Variants in MSMO1 observed in about 807,000 individuals in gnomAD.
MSMO1 encodes the protein methylsterol monooxygenase 1, also known as C-4 methylsterol oxidase.
A neutral mutation model predicts 30.4 loss-of-function variants in MSMO1; 18 were observed. The ratio of observed to expected loss-of-function variants is 0.59; its 90% CI spans 0.41 to 0.88. MSMO1 has a LOEUF of 0.88. MSMO1 is among the 40% of genes least tolerant of loss of function. The pLI is 0.00. For synonymous variants in MSMO1, 84 were observed against 107.9 expected (o/e 0.78, Z 1.37); for missense variants, 284 against 340.5 (o/e 0.83, Z 1.31).
chr4:165,336,255 A>G (rs930673581), intron 2 of MSMO1, among the ~76,000 whole-genome samples: 2 of 151,778 alleles, frequency 1.3e-5, no homozygotes, highest in African/African-American at 4.8e-5. Context: ...AAAAACATAC[A>G]TCTTAGTAAT....
intron 2 of MSMO1, among the ~76,000 whole-genome samples, chr4:165,334,476 A>G (rs1000513308): frequency 5.3e-5 from 8 of 152,252 alleles, no homozygotes; most frequent in Non-Finnish European, 1.0e-4. Flanking sequence ...CTGTTAATAC[A>G]CTACGACCTT....
intron 3 of MSMO1, 127 bp from the exon 4 acceptor site, chr4:165,338,525 C>T: frequency 1.3e-6 from 1 of 747,180 alleles, no homozygotes; most frequent in Non-Finnish European, 2.3e-6. Context: ...TGAATATATC[C>T]AATTAGGTCA....
chr4:165,332,699 A>G (rs1747433303), intron 1 of MSMO1, among the ~76,000 whole-genome samples: 1 of 152,098 alleles, frequency 6.6e-6, no homozygotes, highest in African/African-American at 2.4e-5. Flanking sequence ...TTTAGGGTGC[A>G]TTTCCTCATT....
chr4:165,341,774 C>G lies in MSMO1; in HGVS notation c.710C>G (p.Pro237Arg). ...VHSGYDIPLN[P>R]LNLIPFYAGS... ...AGTGGTTATGATATTCCTCTCAACC[C>G]TTTAAATCTGATCCCTTTCTATGCT... The change falls in exon 6 of 6, where the codon CCT becomes CGT. Residue 237 changes from proline (P) to arginine (R), a missense_variant. Coordinates refer to ENST00000261507, the MANE Select transcript of MSMO1 (RefSeq NM_006745.5). 1.2e-6 allele frequency: 2 copies of G among 1,612,732 alleles called. No individual in the cohort carries two copies. Among genetic ancestry groups the G allele is most frequent in the Non-Finnish European group, 1.7e-6 (2 of 1,178,922 alleles).
chr4:165,341,317 T>G (rs1250981251), intron 5 of MSMO1, among the ~76,000 whole-genome samples: 1 of 152,106 alleles, frequency 6.6e-6, no homozygotes, highest in East Asian at 1.9e-4. Flanking sequence ...CAGGGATTCA[T>G]GGGCCTGCCC....
chr4:165,329,811 A>AT (rs1349416187), intron 1 of MSMO1, among the ~76,000 whole-genome samples: 3 of 151,262 alleles, frequency 2.0e-5, no homozygotes, highest in East Asian at 3.9e-4. Context: ...ATTTTTTTGT[A>AT]TTTTTTTGGT....
rs1259819440 is a variant in MSMO1 at position 165,337,856 on chromosome 4, T to C, written c.323T>C (p.Ile108Thr). ...FKVLLFNHFCIQLPLICGTYY... is the reference protein window; with the variant it reads ...FKVLLFNHFCTQLPLICGTYY... ...GTTCTTCTCTTTAATCACTTCTGTA[T>C]CCAGCTGCCTTTGATTTGTGGAACC... Residue 108 changes from isoleucine (I) to threonine (T), a missense_variant, in exon 3 of 6, where the codon ATC becomes ACC. Coordinates refer to ENST00000261507, the MANE Select transcript of MSMO1 (RefSeq NM_006745.5). 2 of 1,613,172 alleles carry C rather than the reference T, an allele frequency of 1.2e-6. No individual in the cohort carries two copies. The highest frequency in any genetic ancestry group is 1.3e-5 in the African/African-American group (1 of 74,914).
At chr4:165,332,153 A>G (rs1747413178) in intron 1 of MSMO1, among the ~76,000 whole-genome samples, 1 of 152,158 alleles carries the variant, frequency 6.6e-6, no homozygotes, top group African/African-American at 2.4e-5. Context: ...ATCCATATGT[A>G]CATTTTTTGT....
intron 5 of MSMO1, 107 bp downstream of exon 5, chr4:165,340,482 C>A: frequency 1.1e-6 from 1 of 946,288 alleles, no homozygotes; most frequent in South Asian, 1.4e-5. Flanking sequence ...AGTTAATCTT[C>A]TTAATGTTAT....
intron 1 of MSMO1, among the ~76,000 whole-genome samples, chr4:165,331,307 A>G (rs904660045): frequency 6.6e-6 from 1 of 151,610 alleles, no homozygotes; most frequent in East Asian, 1.9e-4. Context: ...CTGTCTCAAA[A>G]AAAAAGAAAA....
rs750700208 is a variant in MSMO1 at position 165,341,827 on chromosome 4, A to T, written c.763A>T (p.Met255Leu). Residue 255 changes from methionine to leucine, a missense_variant, in exon 6 of 6, where the codon ATG (methionine) becomes TTG (leucine). By Grantham distance (15) the Met-to-Leu change is conservative. Transcript: ENST00000261507. The stretch of plus-strand genomic sequence containing the variant: ...TTCTCGGCATCATGATTTCCACCAC[A>T]TGAACTTCATTGGAAACTATGCTTC... ...AGSRHHDFHH[M>L]NFIGNYASTF... is the part of the protein sequence containing the mutation. The T allele has an allele frequency of 6.2e-7, 1 of 1,613,636 alleles. No individual in the cohort carries two copies. The highest frequency in any genetic ancestry group is 1.1e-5 in the South Asian group (1 of 91,070).
intron 2 of MSMO1, among the ~76,000 whole-genome samples, chr4:165,337,102 CTTT>C: frequency 6.6e-6 from 1 of 152,288 alleles, no homozygotes; most frequent in South Asian, 2.1e-4. Context: ...GCCCAAAGCA[CTTT>C]TTTAAGTGCA....
chr4:165,335,636 C>T (rs775825037), intron 2 of MSMO1, among the ~76,000 whole-genome samples: 55 of 152,286 alleles, frequency 3.6e-4, no homozygotes, highest in Non-Finnish European at 6.2e-4. Flanking sequence ...GTAACTGACT[C>T]ACTGGTTAGA....
In MSMO1 at chr4:165,340,508, CTG is replaced by C; in HGVS notation, c.686+135_686+136del. On this transcript the variant is annotated intron_variant, in intron 5 of 5. Coordinates refer to ENST00000261507, the MANE Select transcript of MSMO1 (RefSeq NM_006745.5). ...TTAATGTTATATTAAGAAAACATAA[CTG>C]TTGGATAAAAGTTTAAATAATAGAT... is the stretch of plus-strand genomic sequence containing the variant. 3 of 780,410 alleles carry C rather than the reference CTG, an allele frequency of 3.8e-6. No individual in the cohort carries two copies. The East Asian group carries it at 8.0e-5, about 21-fold the overall frequency. The allele number at this position is 780,410 out of a possible 1,614,324, so 48.3% of individuals were successfully genotyped here.
At chr4:165,330,947 A>G (rs1269376226) in intron 1 of MSMO1, among the ~76,000 whole-genome samples, 2 of 152,222 alleles carry the variant, frequency 1.3e-5, no homozygotes, top group East Asian at 3.8e-4. Context: ...GTTGGTTCAA[A>G]GAAAGATAAA....
At chr4:165,334,969 CT>C (rs977170753) in intron 2 of MSMO1, among the ~76,000 whole-genome samples, 3 of 151,988 alleles carry the variant, frequency 2.0e-5, no homozygotes, top group Non-Finnish European at 2.9e-5. Flanking sequence ...CATGTACAGT[CT>C]TTTTTTTCCT....
chr4:165,330,671 G>C (rs1011759584), intron 1 of MSMO1, among the ~76,000 whole-genome samples: 3 of 152,198 alleles, frequency 2.0e-5, no homozygotes, highest in African/African-American at 7.2e-5. Context: ...ATTGCAAGTA[G>C]CTCAGTGAGT....
At chr4:165,336,938 A>T (rs943741354) in intron 2 of MSMO1, among the ~76,000 whole-genome samples, 1 of 152,064 alleles carries the variant, frequency 6.6e-6, no homozygotes, top group Non-Finnish European at 1.5e-5. Flanking sequence ...AAGCTGGTTG[A>T]CCTCTTTGGG....
At chr4:165,335,952 C>T (rs527703573) in intron 2 of MSMO1, among the ~76,000 whole-genome samples, 2 of 152,292 alleles carry the variant, frequency 1.3e-5, no homozygotes, top group African/African-American at 4.8e-5. Context: ...AAATTAATTA[C>T]AGGTTTATGC....
Sources: allele counts gnomAD v4.1 joint callset (sites outside exome capture counted in the v4.1 genomes callset), GRCh38; gene constraint gnomAD v4.1.1; transcripts MANE v1.5; gene names NCBI Gene and HGNC (gene_info 2026-07-23, HGNC 2026-07-21).